Variants in HS6ST3 observed in about 807,000 individuals in gnomAD.
HS6ST3 encodes the protein heparan-sulfate 6-O-sulfotransferase 3.
A neutral mutation model predicts 36.7 loss-of-function variants in HS6ST3; 12 were observed. That is an observed-to-expected ratio of 0.33 (90% CI 0.21 to 0.53). The LOEUF (loss-of-function observed/expected upper bound fraction) is 0.53, where lower values mean the gene tolerates loss of function less well. Ranked by LOEUF, HS6ST3 falls within the 20% of genes least tolerant of loss-of-function variation. The probability of loss-of-function intolerance (pLI) is 0.95; values close to 1 mark genes in which losing one functional copy is unlikely to be tolerated. For missense variants in HS6ST3, 584 were observed against 640.9 expected, an observed-to-expected ratio of 0.91 and a Z score of 0.96; for synonymous variants, 240 against 257.5, an observed-to-expected ratio of 0.93 and a Z score of 0.65.
chr13:96,318,616 C>T (rs753889502), intron 1 of HS6ST3, among the ~76,000 whole-genome samples: 3 of 152,038 alleles, frequency 2.0e-5, no homozygotes, highest in Admixed American at 6.6e-5. Context: ...TATGACTAGC[C>T]AGCTACCCCA....
chr13:96,823,370 C>T (rs1038703906), intron 1 of HS6ST3, among the ~76,000 whole-genome samples: 3 of 152,040 alleles, frequency 2.0e-5, no homozygotes, highest in Non-Finnish European at 4.4e-5. Context: ...TGGAGATTGG[C>T]CATACAAATT....
intron 1 of HS6ST3, among the ~76,000 whole-genome samples, chr13:96,650,583 A>G (rs893417179): frequency 3.2e-4 from 49 of 152,050 alleles, no homozygotes; most frequent in African/African-American, 1.1e-3. Flanking sequence ...AGAGTACAAG[A>G]ATGAGTACTG....
chr13:96,656,998 T>TGAGAGAGAGAGA (rs1179705458), intron 1 of HS6ST3, among the ~76,000 whole-genome samples: 1 of 98,340 alleles, frequency 1.0e-5, no homozygotes, highest in African/African-American at 4.3e-5. Flanking sequence ...TGTGTGTGTG[T>TGAGAGAGAGAGA]GAGAGAGAGA....
chr13:96,565,814 C>G (rs1019893177), intron 1 of HS6ST3, among the ~76,000 whole-genome samples: 2 of 152,030 alleles, frequency 1.3e-5, no homozygotes, highest in African/African-American at 4.8e-5. Flanking sequence ...CCCCCCTACC[C>G]CAGTAAACTT....
chr13:96,742,733 T>C (rs1258576692), intron 1 of HS6ST3, among the ~76,000 whole-genome samples: 5 of 152,048 alleles, frequency 3.3e-5, no homozygotes, highest in Non-Finnish European at 2.9e-5. Flanking sequence ...TAAAATAGAG[T>C]CTTATTTTTA....
intron 1 of HS6ST3, among the ~76,000 whole-genome samples, chr13:96,528,927 G>A (rs557897680): frequency 1.8e-4 from 27 of 151,982 alleles, no homozygotes; most frequent in Non-Finnish European, 2.9e-4. Flanking sequence ...TGAAACAATG[G>A]CACCCTTTTC....
intron 1 of HS6ST3, among the ~76,000 whole-genome samples, chr13:96,174,357 A>G (rs1252311782): frequency 1.3e-5 from 2 of 152,020 alleles, no homozygotes; most frequent in African/African-American, 4.8e-5. Flanking sequence ...AGAGGAATTT[A>G]TCTCACACAT....
chr13:96,199,975 T>C (rs528900554), intron 1 of HS6ST3, among the ~76,000 whole-genome samples: 1 of 152,282 alleles, frequency 6.6e-6, no homozygotes, highest in African/African-American at 2.4e-5. Context: ...CGGAAAAATA[T>C]TTCTGACACT....
chr13:96,511,357 C>A (rs529716859), intron 1 of HS6ST3, among the ~76,000 whole-genome samples: 8 of 152,182 alleles, frequency 5.3e-5, no homozygotes, highest in South Asian at 2.1e-4. Flanking sequence ...GCTGTGTAAG[C>A]TTTATCATCA....
chr13:96,497,934 C>A (rs2138910748), intron 1 of HS6ST3, among the ~76,000 whole-genome samples: 1 of 152,270 alleles, frequency 6.6e-6, no homozygotes, highest in East Asian at 1.9e-4. Flanking sequence ...AAAAGATGTA[C>A]AAATTCACCA....
intron 1 of HS6ST3, among the ~76,000 whole-genome samples, chr13:96,486,810 A>G (rs1465917013): frequency 2.0e-5 from 3 of 152,152 alleles, no homozygotes; most frequent in Admixed American, 1.3e-4. Flanking sequence ...TGAAATGAGA[A>G]CAGCCTTGAT....
chr13:96,434,630 C>A (rs1383327665), intron 1 of HS6ST3, among the ~76,000 whole-genome samples: 1 of 152,036 alleles, frequency 6.6e-6, no homozygotes, highest in East Asian at 1.9e-4. Context: ...TCTTACCAGG[C>A]CTTGACCTCA....
chr13:96,827,382 A>C (rs1164977168), intron 1 of HS6ST3, among the ~76,000 whole-genome samples: 1 of 152,214 alleles, frequency 6.6e-6, no homozygotes, highest in African/African-American at 2.4e-5. Flanking sequence ...GATACTGTCT[A>C]TGCATATGAG....
intron 1 of HS6ST3, among the ~76,000 whole-genome samples, chr13:96,433,905 A>C (rs978287003): frequency 6.6e-6 from 1 of 152,220 alleles, no homozygotes; most frequent in Non-Finnish European, 1.5e-5. Context: ...ATTGCACTCC[A>C]GCCTGGGTGA....
intron 1 of HS6ST3, among the ~76,000 whole-genome samples, chr13:96,310,345 G>T (rs2054934299): frequency 6.6e-6 from 1 of 152,206 alleles, no homozygotes; most frequent in South Asian, 2.1e-4. Context: ...TTGTGTTGTG[G>T]GACTTAATGC....
intron 1 of HS6ST3, 39 bp from the exon 2 acceptor site, chr13:96,832,451 G>T (rs1566464453): frequency 6.9e-7 from 1 of 1,445,296 alleles, no homozygotes; most frequent in Admixed American, 2.3e-5. Context: ...TCCTGTTAGA[G>T]TTGTCAACTA....
At chr13:96,689,000 C>G (rs474736) in intron 1 of HS6ST3, among the ~76,000 whole-genome samples, 149,901 of 152,150 alleles carry the variant, frequency 0.99, 73,880 homozygotes, top group Middle Eastern at 1. Context: ...TTTGGGTCTT[C>G]TGCTAGGGGC....
intron 1 of HS6ST3, among the ~76,000 whole-genome samples, chr13:96,210,835 C>T (rs889218871): frequency 6.6e-6 from 1 of 151,862 alleles, no homozygotes; most frequent in Non-Finnish European, 1.5e-5. Context: ...CTCAAGTGAT[C>T]CGCCTGCTTC....
intron 1 of HS6ST3, among the ~76,000 whole-genome samples, chr13:96,565,070 C>CT (rs1455527478): frequency 6.6e-6 from 1 of 151,804 alleles, no homozygotes; most frequent in Non-Finnish European, 1.5e-5. Context: ...GAGCTCGGGA[C>CT]TTCTGCTTGA....
Sources: allele counts gnomAD v4.1 joint callset (sites outside exome capture counted in the v4.1 genomes callset), GRCh38; gene constraint gnomAD v4.1.1; transcripts MANE v1.5; gene names NCBI Gene and HGNC (gene_info 2026-07-23, HGNC 2026-07-21).